MCOLN2: variants seen among roughly 807,000 people sequenced by gnomAD.
The protein encoded by MCOLN2 is mucolipin TRP cation channel 2.
A neutral mutation model predicts 67.5 loss-of-function variants in MCOLN2; 57 were observed. The observed-to-expected ratio is 0.84, with a 90% confidence interval of 0.68 to 1.05. The LOEUF is 1.05. Ranked by LOEUF, MCOLN2 falls within the 50% of genes least tolerant of loss-of-function variation. The pLI is 0.00. For missense variants in MCOLN2, 620 were observed against 678.8 expected, an observed-to-expected ratio of 0.91 and a Z score of 0.96; for synonymous variants, 246 against 233.3, an observed-to-expected ratio of 1.05 and a Z score of -0.50.
In MCOLN2 at chr1:84,956,561, G is replaced by A. The variant is rs201410903; in HGVS notation, c.435C>T (p.Thr145=). ...TTTCTCCATAACCAAGGGTCCCCAG[G>A]GTAATGTCCTTTAGCTGATGATACT... ...INQYHQLKDI[T]LGTLGYGENE... is the part of the protein sequence containing the mutation. Residue 145 remains threonine, a synonymous_variant, in exon 4 of 14, where the codon ACC becomes ACT. Transcript: ENST00000370608. 8.4e-5 allele frequency: 134 copies of A among 1,602,408 alleles called. No individual in the cohort carries two copies. In the East Asian group the frequency reaches 1.3e-3, roughly 15 times the overall value.
intron 13 of MCOLN2, among the ~76,000 whole-genome samples, chr1:84,928,732 AC>A (rs747525857): frequency 9.9e-5 from 15 of 152,172 alleles, no homozygotes; most frequent in Admixed American, 2.0e-4. Context: ...TTTTCTATTT[AC>A]CAGACATTCT....
At chr1:84,952,360 G>A (rs1304419966) in intron 5 of MCOLN2, 21 bp from the exon 6 acceptor site, 2 of 1,594,670 alleles carry the variant, frequency 1.3e-6, no homozygotes, top group Non-Finnish European at 8.6e-7. Context: ...TATATTGAAA[G>A]GTATAAATTG....
chr1:84,935,621 T>C (rs1423743102), intron 11 of MCOLN2, among the ~76,000 whole-genome samples: 7 of 152,210 alleles, frequency 4.6e-5, no homozygotes, highest in South Asian at 2.1e-4. Context: ...ATTTTGGGTA[T>C]ATTAGGCTTA....
chr1:84,949,355 T>C (rs956548310), intron 6 of MCOLN2, among the ~76,000 whole-genome samples: 3 of 152,054 alleles, frequency 2.0e-5, no homozygotes, highest in African/African-American at 7.2e-5. Context: ...AAGCTGCAAA[T>C]AGGCCGGGCG....
rs764382111 is a variant in MCOLN2, at chr1:84,929,565, G to A, written c.1657C>T (p.Arg553Trp). 94 of 1,612,650 alleles carry A rather than the reference G, an allele frequency of 5.8e-5. No homozygotes were observed. The highest frequency in any genetic ancestry group is 7.7e-5 in the South Asian group (7 of 90,926). ...SSAFLSCICC[R>W]RRKRSDDHLI... Reference sequence around the variant, plus strand: ...AATAAACATGATACTGACCTCCTCCGACAGCAGATGCAGGACAGGAAGGCT... The same window carrying A: ...AATAAACATGATACTGACCTCCTCCAACAGCAGATGCAGGACAGGAAGGCT... The change falls in exon 13 of 14, where the codon CGG (arginine) becomes TGG (tryptophan). Residue 553 changes from arginine to tryptophan, a missense_variant. By Grantham distance (101) the Arg-to-Trp change is moderately radical. Transcript: ENST00000370608.
chr1:84,941,902 G>A (rs1051898789), intron 7 of MCOLN2, among the ~76,000 whole-genome samples: 2 of 152,110 alleles, frequency 1.3e-5, no homozygotes, highest in African/African-American at 4.8e-5. Flanking sequence ...AGAATGTATG[G>A]GAAGGAGATG....
chr1:84,939,410 C>T (rs1183826285), intron 9 of MCOLN2, 143 bp downstream of exon 9: 29 of 793,018 alleles, frequency 3.7e-5, no homozygotes, highest in Non-Finnish European at 5.8e-5. Flanking sequence ...AGGAACCAAG[C>T]CAGGGGAGGC....
At chr1:84,993,663 G>T (rs1232966532) in intron 1 of MCOLN2, among the ~76,000 whole-genome samples, 1 of 130,744 alleles carries the variant, frequency 7.6e-6, no homozygotes, top group Non-Finnish European at 1.5e-5. Context: ...TCGCTCTGTC[G>T]CCCAGGCCGG....
chr1:84,974,389 C>T (rs371549883), intron 1 of MCOLN2, among the ~76,000 whole-genome samples: 5 of 151,612 alleles, frequency 3.3e-5, no homozygotes, highest in African/African-American at 1.2e-4. Flanking sequence ...TCCCTTCCTT[C>T]TGCTTGAGGA....
chr1:84,954,118 C>A (rs1031457082), intron 4 of MCOLN2, among the ~76,000 whole-genome samples: 13 of 152,208 alleles, frequency 8.5e-5, no homozygotes, highest in African/African-American at 3.1e-4. Context: ...CCTTGCTAAA[C>A]GCCCATTGCC....
chr1:84,933,585 A>G (rs1304784403), intron 11 of MCOLN2, among the ~76,000 whole-genome samples: 1 of 152,226 alleles, frequency 6.6e-6, no homozygotes, highest in African/African-American at 2.4e-5. Flanking sequence ...AGCTGAAAAC[A>G]TTGACATTAA....
chr1:84,995,524 G>A (rs935831718), intron 1 of MCOLN2, among the ~76,000 whole-genome samples: 3 of 152,156 alleles, frequency 2.0e-5, no homozygotes, highest in African/African-American at 7.2e-5. Context: ...CCAGCTTCAG[G>A]AAAGTCCACT....
chr1:84,939,433 G>T, intron 9 of MCOLN2, 120 bp downstream of exon 9: 1 of 991,708 alleles, frequency 1.0e-6, no homozygotes, highest in Non-Finnish European at 1.5e-6. Flanking sequence ...CACTTGTGCT[G>T]GTGTGAGAAA....
chr1:84,977,817 G>A (rs565500584), intron 1 of MCOLN2, among the ~76,000 whole-genome samples: 29 of 152,194 alleles, frequency 1.9e-4, no homozygotes, highest in African/African-American at 6.5e-4. Context: ...CCCACTTTCA[G>A]CATTAGATAG....
intron 12 of MCOLN2, among the ~76,000 whole-genome samples, chr1:84,930,641 C>T (rs929701780): frequency 1.1e-4 from 16 of 152,172 alleles, no homozygotes; most frequent in African/African-American, 3.9e-4. Context: ...TTCCCACACA[C>T]TCAAAAGGTA....
chr1:84,939,987 A>G (rs1212903942), intron 8 of MCOLN2, among the ~76,000 whole-genome samples: 2 of 152,154 alleles, frequency 1.3e-5, no homozygotes, highest in Non-Finnish European at 2.9e-5. Context: ...TTTTCATATT[A>G]CCAACACATC....
In MCOLN2 at chr1:84,939,492, A is replaced by C. The variant is rs1338765326; in HGVS notation, c.1110+61T>G. The C allele has an allele frequency of 2.0e-6, 3 of 1,536,920 alleles. No homozygotes were observed. The East Asian group carries it at 6.7e-5, about 35-fold the overall frequency. ...GGTCTCCAAAGGATGGTACGTCTTAAGATGCCTGTGGCCATCCAGGAGAAG... is the reference window on the plus strand; with the variant it reads ...GGTCTCCAAAGGATGGTACGTCTTACGATGCCTGTGGCCATCCAGGAGAAG... On this transcript the variant is annotated intron_variant, in intron 9 of 13. Coordinates refer to ENST00000370608, the MANE Select transcript of MCOLN2 (RefSeq NM_153259.4).
In MCOLN2 at chr1:84,954,083, A is replaced by T. The variant is rs578106851; in HGVS notation, c.566-1553T>A. ...TTCCAACTAGAGTATAAGGTCTTTG[A>T]GATCAAGAGCACAACTTTATTGCAC... On this transcript the variant is annotated intron_variant, in intron 4 of 13. Coordinates refer to ENST00000370608, the MANE Select transcript of MCOLN2 (RefSeq NM_153259.4). Among the ~76,000 whole-genome samples the T allele has an allele frequency of 4.0e-4, 61 of 152,328 alleles. 1 individual carries two copies. The highest frequency in any genetic ancestry group is 1.4e-3 in the African/African-American group (60 of 41,582).
intron 1 of MCOLN2, among the ~76,000 whole-genome samples, chr1:84,978,178 C>A (rs1376088106): frequency 6.6e-6 from 1 of 151,910 alleles, no homozygotes; most frequent in Non-Finnish European, 1.5e-5. Flanking sequence ...TTAAAAATTT[C>A]TTGAAACAAA....
Sources: gnomAD v4.1 joint callset for allele counts (sites outside exome capture counted in the v4.1 genomes callset) on GRCh38, gnomAD v4.1.1 for gene constraint, MANE v1.5 for transcripts, NCBI Gene and HGNC (gene_info 2026-07-23, HGNC 2026-07-21) for gene names.